The following EPS8 variants were observed in gnomAD, a reference collection of about 807,000 sequenced individuals.
EPS8 encodes EGFR pathway substrate 8, signaling adaptor, also known as epidermal growth factor receptor kinase substrate 8.
Under a neutral mutation model 103.8 loss-of-function variants are expected in EPS8, and 42 were observed. The observed-to-expected ratio is 0.40, with a 90% CI of 0.32 to 0.52. The LOEUF (loss-of-function observed/expected upper bound fraction) is 0.52. Ranked by LOEUF, EPS8 falls within the 20% of genes least tolerant of loss-of-function variation. EPS8 has a pLI of 0.40. For synonymous variants in EPS8, 344 were observed against 344.6 expected, an observed-to-expected ratio of 1.00 and a Z score of 0.02; for missense variants, 969 against 1,005.1, an observed-to-expected ratio of 0.96 and a Z score of 0.49.
At chr12:15,774,887 T>C (rs1947192644) in intron 1 of EPS8, among the ~76,000 whole-genome samples, 1 of 151,978 alleles carries the variant, frequency 6.6e-6, no homozygotes, top group Non-Finnish European at 1.5e-5. Context: ...AATCCATGCA[T>C]GCTTAGTATT....
intron 14 of EPS8, among the ~76,000 whole-genome samples, chr12:15,648,837 T>C (rs932489025): frequency 1.3e-5 from 2 of 152,228 alleles, no homozygotes; most frequent in Admixed American, 1.3e-4. Context: ...GTAAGGAAGC[T>C]GAGTACTGCC....
chr12:15,760,283 ATAAG>A lies in EPS8; in HGVS notation c.-22+28874_-22+28877del, dbSNP rs895193645. Among the ~76,000 whole-genome samples, 1 of 152,110 alleles carries A rather than the reference ATAAG, an allele frequency of 6.6e-6. No homozygotes were observed. Among genetic ancestry groups the A allele is most frequent in the African/African-American group, 2.4e-5 (1 of 41,464 alleles). On this transcript the variant is annotated intron_variant, in intron 1 of 20. Transcript: ENST00000281172. This position sits in a 1 kb window ranked among gnomAD's most constrained non-coding sequence, Gnocchi z 4.5. ...AATCCAAAACCTGAACAGACCAAAAATAAGTAATAAAATTGAAGGTGTAATAAAA... is the reference window on the plus strand; with the variant it reads ...AATCCAAAACCTGAACAGACCAAAAATAATAAAATTGAAGGTGTAATAAAA...
chr12:15,655,500 A>G lies in EPS8; in HGVS notation c.1102-1207T>C, dbSNP rs144636982. 2.8e-3 allele frequency among the ~76,000 whole-genome samples: 430 copies of G among 152,332 alleles called. 4 individuals carry two copies. Among genetic ancestry groups the G allele is most frequent in the African/African-American group, 9.9e-3 (412 of 41,578 alleles). On this transcript the variant is annotated intron_variant, in intron 12 of 20. Transcript: ENST00000281172. ...CAGATGATACAGTGGTACTGGAATG[A>G]ATGAAAAAAGATGGCAGATAACGGA... is the stretch of plus-strand genomic sequence containing the variant.
In EPS8 at chr12:15,684,080, A is replaced by T. The variant is rs1346744727; in HGVS notation, c.-21-1108T>A. 6.6e-6 allele frequency: 1 copy of T among 152,208 alleles called. No homozygotes were observed. Among genetic ancestry groups the T allele is most frequent in the Admixed American group, 6.5e-5 (1 of 15,274 alleles). 9.4% of individuals were successfully genotyped at this position (152,208 alleles called of 1,614,324 possible). ...AACAGTCTAGTGGGGGGAAACAGAT[A>T]ATGAATAAGTGTAAAATTTTAAGTT... On this transcript the variant is annotated intron_variant, in intron 1 of 20. Coordinates refer to ENST00000281172, the MANE Select transcript of EPS8 (RefSeq NM_004447.6). This position sits in a 1 kb window ranked among gnomAD's most constrained non-coding sequence, Gnocchi z 4.9.
chr12:15,679,925 A>C (rs980555872), intron 3 of EPS8, among the ~76,000 whole-genome samples: 1 of 152,200 alleles, frequency 6.6e-6, no homozygotes, highest in African/African-American at 2.4e-5. Flanking sequence ...TTTTTCTGTT[A>C]TCTTCAAGTT....
At position 15,624,133 on chromosome 12, in the gene EPS8, T is replaced by C. The variant is rs557613713; in HGVS notation, c.2225+94A>G. On this transcript the variant is annotated intron_variant, in intron 19 of 20. Transcript: ENST00000281172. ...AAAGTATGCAGTCTGTGCCCTTATGTTTTATAACAGTTATCTGTGACATCT... is the reference window on the plus strand; with the variant it reads ...AAAGTATGCAGTCTGTGCCCTTATGCTTTATAACAGTTATCTGTGACATCT... The C allele has an allele frequency of 1.1e-4, 107 of 994,702 alleles. 2 individuals are homozygous for C. The South Asian group carries it at 1.5e-3, about 14-fold the overall frequency. 61.6% of individuals were successfully genotyped at this position (994,702 alleles called of 1,614,324 possible).
chr12:15,697,787 G>A lies in EPS8; in HGVS notation c.-21-14815C>T, dbSNP rs533548735. 6.6e-6 allele frequency among the ~76,000 whole-genome samples: 1 copy of A among 152,192 alleles called. No homozygotes were observed. The highest frequency in any genetic ancestry group is 1.5e-5 in the Non-Finnish European group (1 of 68,002). On this transcript the variant is annotated intron_variant, in intron 1 of 20. Transcript: ENST00000281172. The surrounding 1 kb of genome is among the most constrained non-coding windows in gnomAD (Gnocchi z 5.6). ...CTTTACTGATAAGTAAGAAAAAAAGGGAACTGGATTCTGAAAGTTTAGGGA... is the reference window on the plus strand; with the variant it reads ...CTTTACTGATAAGTAAGAAAAAAAGAGAACTGGATTCTGAAAGTTTAGGGA...
At chr12:15,788,696 G>A (rs1057114873) in intron 1 of EPS8, among the ~76,000 whole-genome samples, 4 of 152,196 alleles carry the variant, frequency 2.6e-5, no homozygotes, top group Non-Finnish European at 4.4e-5. Context: ...GTAAACGGGG[G>A]TGGGACCCTG....
rs1346511387 is a variant in EPS8 at position 15,654,128 on chromosome 12, AG to A, written c.1250+16del. ...CAAAGAATGGTACTTAAGGCATTAT[AG>A]GTGGTAAATGCTTACCTGGCTTTCA... On this transcript the variant is annotated intron_variant, in intron 13 of 20. Coordinates refer to ENST00000281172, the MANE Select transcript of EPS8 (RefSeq NM_004447.6). The A allele has an allele frequency of 3.6e-5, 58 of 1,609,888 alleles. No individual in the cohort carries two copies. Among genetic ancestry groups the A allele is most frequent in the Non-Finnish European group, 4.7e-5 (55 of 1,176,512 alleles).
intron 1 of EPS8, among the ~76,000 whole-genome samples, chr12:15,709,493 A>C (rs1023130218): frequency 2.6e-5 from 4 of 152,246 alleles, no homozygotes; most frequent in Non-Finnish European, 4.4e-5. Flanking sequence ...ATACATTAAG[A>C]TACACGACTC....
Position 15,787,748 on chromosome 12 carries a change from T to C in EPS8, c.-22+1413A>G, listed in dbSNP as rs1432796836. 2.0e-5 allele frequency among the ~76,000 whole-genome samples: 3 copies of C among 152,032 alleles called. No homozygotes were observed. Among genetic ancestry groups the C allele is most frequent in the South Asian group, 4.1e-4 (2 of 4,832 alleles). ...CAATAAAGGCATTATATTATCACTA[T>C]TGCATTTGTGATACATTCTACCTTA... On this transcript the variant is annotated intron_variant, in intron 1 of 20. Coordinates refer to ENST00000281172, the MANE Select transcript of EPS8 (RefSeq NM_004447.6). The surrounding 1 kb of genome is among the most constrained non-coding windows in gnomAD (Gnocchi z 4.9).
intron 1 of EPS8, among the ~76,000 whole-genome samples, chr12:15,744,288 TCTTC>T (rs1186960114): frequency 6.6e-6 from 1 of 152,216 alleles, no homozygotes; most frequent in East Asian, 1.9e-4. Flanking sequence ...AGAGCTGGTC[TCTTC>T]CTTCCTCTTT....
rs1269469638 is a variant in EPS8, at chr12:15,715,391, TTTC to T, written c.-21-32422_-21-32420del. Among the ~76,000 whole-genome samples the T allele has an allele frequency of 1.5e-4, 9 of 60,834 alleles. No homozygotes were observed. In the South Asian group the frequency reaches 6.6e-3, roughly 44 times the overall value. 39.9% of individuals were successfully genotyped at this position (60,834 alleles called of 152,430 possible). ...CGCTTTCTTTTTTTTTTTCTTTACTTTTCTTTTTTTTTTTTTTTTGAGATGGAG... is the reference window on the plus strand; with the variant it reads ...CGCTTTCTTTTTTTTTTTCTTTACTTTTTTTTTTTTTTTTTTGAGATGGAG... On this transcript the variant is annotated intron_variant, in intron 1 of 20. Transcript: ENST00000281172.
chr12:15,625,032 C>A (rs1424269616), intron 18 of EPS8, among the ~76,000 whole-genome samples: 2 of 152,214 alleles, frequency 1.3e-5, no homozygotes, highest in Non-Finnish European at 2.9e-5. Flanking sequence ...CTGTCTTAGA[C>A]AAGTATTGAA....
rs866391712 is a variant in EPS8 at position 15,692,328 on chromosome 12, T to G, written c.-21-9356A>C. Among the ~76,000 whole-genome samples, 528 of 147,536 alleles carry G rather than the reference T, an allele frequency of 3.6e-3. 5 individuals are homozygous for G. The highest frequency in any genetic ancestry group is 0.024 in the South Asian group (110 of 4,618). ...GATTGAAAGAGGTTTGGTTTTTTTT[T>G]TTTTTTTTTTTTTTTGCCCCATAAT... is the stretch of plus-strand genomic sequence containing the variant. On this transcript the variant is annotated intron_variant, in intron 1 of 20. Transcript: ENST00000281172.
chr12:15,657,732 T>C (rs916421088), intron 12 of EPS8, among the ~76,000 whole-genome samples: 1 of 152,174 alleles, frequency 6.6e-6, no homozygotes, highest in East Asian at 1.9e-4. Context: ...AGACTTCTCA[T>C]GATTATTTTG....
chr12:15,732,817 A>G (rs1479091484), intron 1 of EPS8: 9 of 905,850 alleles, frequency 9.9e-6, no homozygotes, highest in Non-Finnish European at 1.2e-5. Context: ...CTAGCGCTGA[A>G]GATTAAAGGA....
intron 17 of EPS8, among the ~76,000 whole-genome samples, chr12:15,631,913 T>G (rs1049227651): frequency 6.6e-6 from 1 of 152,158 alleles, no homozygotes. Flanking sequence ...AATAGTAGTA[T>G]TATAGTAATA....
rs988731982 is a variant in EPS8, at chr12:15,781,579, T to C, written c.-22+7582A>G. 5.9e-5 allele frequency among the ~76,000 whole-genome samples: 9 copies of C among 152,204 alleles called. No individual in the cohort carries two copies. The highest frequency in any genetic ancestry group is 1.0e-4 in the Non-Finnish European group (7 of 68,036). On this transcript the variant is annotated intron_variant, in intron 1 of 20. Coordinates refer to ENST00000281172, the MANE Select transcript of EPS8 (RefSeq NM_004447.6). The surrounding 1 kb of genome is among the most constrained non-coding windows in gnomAD (Gnocchi z 4.1). ...AACACCTGCCACACAAAAGGTACTA[T>C]TATTATGTGAGCTGCTCCACCTGCT...
Sources: allele counts gnomAD v4.1 joint callset (sites outside exome capture counted in the v4.1 genomes callset), GRCh38; gene constraint gnomAD v4.1.1; non-coding constraint Gnocchi (gnomAD v3.1); transcripts MANE v1.5; gene names NCBI Gene and HGNC (gene_info 2026-07-23, HGNC 2026-07-21).